The following OLAH variants were observed in gnomAD, a reference collection of about 807,000 sequenced individuals.
OLAH encodes the protein S-acyl fatty acid synthase thioesterase, medium chain.
In OLAH, 33 loss-of-function variants were observed where a neutral mutation model predicts 27.8. That is an observed-to-expected ratio of 1.19 (90% confidence interval 0.90 to 1.59). The LOEUF is 1.59. Ranked by LOEUF, OLAH falls within the 40% of genes most tolerant of loss-of-function variation. The pLI, the probability that OLAH is intolerant of heterozygous loss-of-function variation, is 0.00. For synonymous variants in OLAH, 120 were observed against 102.9 expected (o/e 1.17, Z -1.01); for missense variants, 359 against 310.8 (o/e 1.16, Z -1.17).
chr10:15,065,087 T>A (rs1023981928), intron 5 of OLAH, among the ~76,000 whole-genome samples: 1 of 152,254 alleles, frequency 6.6e-6, no homozygotes, highest in Non-Finnish European at 1.5e-5. Flanking sequence ...TGTTTCCTAC[T>A]GGTACTATTC....
chr10:15,039,837 C>T (rs554031449), upstream of OLAH, among the ~76,000 whole-genome samples: 82 of 152,244 alleles, frequency 5.4e-4, no homozygotes, highest in African/African-American at 1.4e-3. Flanking sequence ...GCATCACTTA[C>T]GATGATTTGT....
At chr10:15,051,057 C>T (rs927185122) in intron 3 of OLAH, among the ~76,000 whole-genome samples, 5 of 140,950 alleles carry the variant, frequency 3.5e-5, no homozygotes, top group Non-Finnish European at 7.6e-5. Flanking sequence ...GATTTCAAGA[C>T]TGTTTATTAT....
At chr10:15,042,411 C>T (rs1843935707), upstream of OLAH, among the ~76,000 whole-genome samples, 1 of 152,136 alleles carries the variant, frequency 6.6e-6, no homozygotes, top group Non-Finnish European at 1.5e-5. Flanking sequence ...TCTTGGCCTC[C>T]TGAAGTGCTA....
chr10:15,041,119 C>G (rs1843912055), upstream of OLAH, among the ~76,000 whole-genome samples: 1 of 152,184 alleles, frequency 6.6e-6, no homozygotes, highest in Non-Finnish European at 1.5e-5. Flanking sequence ...CAGAGGGGCT[C>G]CCAGGCTACT....
chr10:15,057,824 C>T lies in OLAH; in HGVS notation c.164-3900C>T, dbSNP rs376359173. 1.6e-4 allele frequency among the ~76,000 whole-genome samples: 25 copies of T among 152,174 alleles called. No individual in the cohort carries two copies. In the East Asian group the frequency reaches 3.3e-3, roughly 20 times the overall value. On this transcript the variant is annotated intron_variant, in intron 3 of 7. Coordinates refer to ENST00000378228, the MANE Select transcript of OLAH (RefSeq NM_001039702.3). ...CTTCATGGAAAAAAATGAGTATCTG[C>T]GAGTCCATGTGTAGGTCTATTTCTG...
intron 3 of OLAH, among the ~76,000 whole-genome samples, chr10:15,054,724 C>A (rs978038175): frequency 6.6e-6 from 1 of 152,134 alleles, no homozygotes; most frequent in Non-Finnish European, 1.5e-5. Context: ...TAATTCAATA[C>A]AGCACTTTGC....
At chr10:15,072,734 T>C (rs923829153) in intron 7 of OLAH, among the ~76,000 whole-genome samples, 8 of 151,706 alleles carry the variant, frequency 5.3e-5, no homozygotes, top group Non-Finnish European at 1.2e-4. Context: ...AGCAAGGTTA[T>C]CTCGAGGCCG....
chr10:15,047,126 G>T lies in OLAH; in HGVS notation c.-163G>T. ...CTCTGACCTTCTTTATTTTTAACAG[G>T]GATTGGAGAGGTCAATAAGAGTCAG... On this transcript the variant is annotated splice_region_variant and 5_prime_UTR_variant, in exon 2 of 8. In the 5' UTR this introduces an upstream ATG that the reference lacks. Transcript: ENST00000378228. 1 of 542,472 alleles carries T rather than the reference G, an allele frequency of 1.8e-6. No individual in the cohort carries two copies. Among genetic ancestry groups the T allele is most frequent in the Non-Finnish European group, 3.2e-6 (1 of 309,136 alleles). The allele number at this position is 542,472 out of a possible 1,614,324, so 33.6% of individuals were successfully genotyped here.
intron 1 of OLAH, among the ~76,000 whole-genome samples, chr10:15,045,275 G>A (rs1024781212): frequency 5.9e-5 from 9 of 152,188 alleles, no homozygotes; most frequent in African/African-American, 9.7e-5. Flanking sequence ...AGGTTTTTAT[G>A]TACTTCAATT....
chr10:15,039,798 C>A (rs977857426), upstream of OLAH, among the ~76,000 whole-genome samples: 2 of 152,202 alleles, frequency 1.3e-5, no homozygotes, highest in African/African-American at 4.8e-5. Context: ...CAAGGCCCCA[C>A]AGGGAGAAGT....
In OLAH at chr10:15,073,626, C is replaced by G. The variant is rs1326927223; in HGVS notation, c.*397C>G. 1 of 145,576 alleles carries G rather than the reference C, an allele frequency of 6.9e-6. No homozygotes were observed. The highest frequency in any genetic ancestry group is 1.5e-5 in the Non-Finnish European group (1 of 67,710). The allele number at this position is 145,576 out of a possible 1,614,324, so 9.0% of individuals were successfully genotyped here. A position where few individuals can be genotyped will look rare whatever the true frequency, so the allele number is the denominator to read the frequency against. ...AGTGAACCGAGATCGCTCCACTGCA[C>G]TCCAGCCTGGGTGACAGATCCAGAC... On this transcript the variant is annotated 3_prime_UTR_variant, in exon 8 of 8. Transcript: ENST00000378228.
chr10:15,051,410 C>G (rs916294461), intron 3 of OLAH, among the ~76,000 whole-genome samples: 2 of 152,218 alleles, frequency 1.3e-5, no homozygotes, highest in African/African-American at 4.8e-5. Context: ...AATCCCGTCT[C>G]TGTGCTTCAT....
intron 6 of OLAH, among the ~76,000 whole-genome samples, chr10:15,066,828 C>T (rs187274502): frequency 3.4e-4 from 52 of 151,962 alleles, no homozygotes; most frequent in Admixed American, 7.9e-4. Flanking sequence ...TTAGTAGAGA[C>T]GGGTTTTCAC....
At chr10:15,068,877 G>T (rs1230286831) in intron 6 of OLAH, among the ~76,000 whole-genome samples, 1 of 152,130 alleles carries the variant, frequency 6.6e-6, no homozygotes, top group Non-Finnish European at 1.5e-5. Context: ...ATGACCTTGA[G>T]TGCACCACCA....
chr10:15,036,590 G>C (rs2131325904), intron 1 of OLAH, among the ~76,000 whole-genome samples: 1 of 152,232 alleles, frequency 6.6e-6, no homozygotes, highest in South Asian at 2.1e-4. Flanking sequence ...CTGGGCTCAA[G>C]ACATCCTCCC....
At chr10:15,066,513 C>A (rs567471782) in intron 6 of OLAH, among the ~76,000 whole-genome samples, 2 of 152,152 alleles carry the variant, frequency 1.3e-5, no homozygotes, top group African/African-American at 4.8e-5. Context: ...TCCCTTGTCT[C>A]ATGGGATGTC....
intron 2 of OLAH, among the ~76,000 whole-genome samples, chr10:15,048,107 G>T (rs1844056947): frequency 6.6e-6 from 1 of 152,196 alleles, no homozygotes; most frequent in Non-Finnish European, 1.5e-5. Flanking sequence ...TTAAATTGTG[G>T]TCACAAATGT....
intron 1 of OLAH, among the ~76,000 whole-genome samples, chr10:15,037,173 G>T (rs554953388): frequency 6.6e-6 from 1 of 151,652 alleles, no homozygotes. Context: ...AAAAAGGTGC[G>T]TATTGTAAAT....
intron 6 of OLAH, chr10:15,071,439 G>C: frequency 8.4e-6 from 7 of 831,696 alleles, no homozygotes; most frequent in Non-Finnish European, 8.7e-6. Flanking sequence ...GTTCTGTGCA[G>C]AGCAACCCTC....
Sources: gnomAD v4.1 joint callset for allele counts (sites outside exome capture counted in the v4.1 genomes callset) on GRCh38, gnomAD v4.1.1 for gene constraint, MANE v1.5 for transcripts, NCBI Gene and HGNC (gene_info 2026-07-23, HGNC 2026-07-21) for gene names.